Variants in JMY observed in about 807,000 individuals in gnomAD.
The protein encoded by JMY is junction-mediating and -regulatory protein.
JMY carries 46 observed loss-of-function variants against 103.3 expected under a neutral mutation model. That is an observed-to-expected ratio of 0.45 (90% confidence interval 0.35 to 0.57). The LOEUF (loss-of-function observed/expected upper bound fraction) is 0.57. JMY is among the 20% of genes least tolerant of loss of function. The pLI, the probability that JMY is intolerant of heterozygous loss-of-function variation, is 0.00. For synonymous variants in JMY, 526 were observed against 489.3 expected, an observed-to-expected ratio of 1.07 and a Z score of -0.99; for missense variants, 1,238 against 1,255.2, an observed-to-expected ratio of 0.99 and a Z score of 0.21.
rs1413995207 is a variant in JMY, at chr5:79,261,804, T to C, written c.1033-16106T>C. ...CATGCCCGGCTAATTTTTGTATTTT[T>C]AGTAGAGACAGGGTTTCACCATGTT... On this transcript the variant is annotated intron_variant, in intron 1 of 10. Coordinates refer to ENST00000396137, the MANE Select transcript of JMY (RefSeq NM_152405.5). Among the ~76,000 whole-genome samples, 4 of 152,104 alleles carry C rather than the reference T, an allele frequency of 2.6e-5. 1 individual carries two copies. Among genetic ancestry groups the C allele is most frequent in the Admixed American group, 1.3e-4 (2 of 15,264 alleles).
chr5:79,261,747 A>G (rs1448495573), intron 1 of JMY, among the ~76,000 whole-genome samples: 2 of 152,066 alleles, frequency 1.3e-5, no homozygotes, highest in African/African-American at 4.8e-5. Context: ...ACTTTGGCAA[A>G]TAACCCTGCT....
chr5:79,289,945 G>C (rs1213406386), intron 2 of JMY, among the ~76,000 whole-genome samples, 176 bp from the exon 3 acceptor site: 1 of 152,106 alleles, frequency 6.6e-6, no homozygotes, highest in Admixed American at 6.5e-5. Context: ...TGGGGAATAG[G>C]TTTCTATGTC....
At chr5:79,317,470 ATAAAT>A (rs1747272818) in intron 10 of JMY, among the ~76,000 whole-genome samples, 1 of 152,218 alleles carries the variant, frequency 6.6e-6, no homozygotes, top group South Asian at 2.1e-4. Flanking sequence ...ATAACATGGT[ATAAAT>A]TAAACAGTAT....
At position 79,236,759 on chromosome 5, in the gene JMY, G is replaced by A; in HGVS notation, c.109G>A (p.Glu37Lys). Reference sequence around the variant, plus strand: ...ATTCGTCTTTATTGTGGCCTGGAACGAGATTGAGGGCAAGTTTGCCATAAC... The same window carrying A: ...ATTCGTCTTTATTGTGGCCTGGAACAAGATTGAGGGCAAGTTTGCCATAAC... ...HKFVFIVAWN[E>K]IEGKFAITCH... The change falls in exon 1 of 11, where the codon GAG (glutamate) becomes AAG (lysine). Residue 37 changes from glutamate (E) to lysine (K), a missense_variant. Transcript: ENST00000396137. 6.6e-7 allele frequency: 1 copy of A among 1,511,082 alleles called. No individual in the cohort carries two copies. Among genetic ancestry groups the A allele is most frequent in the Non-Finnish European group, 8.9e-7 (1 of 1,128,120 alleles). 93.6% of individuals were successfully genotyped at this position (1,511,082 alleles called of 1,614,324 possible).
In JMY at chr5:79,315,984, G is replaced by A; in HGVS notation, c.2660-16G>A. On this transcript the variant is annotated splice_polypyrimidine_tract_variant and intron_variant, in intron 9 of 10. Coordinates refer to ENST00000396137, the MANE Select transcript of JMY (RefSeq NM_152405.5). Reference sequence around the variant, plus strand: ...GCAGTCCTAACTGTAATACTGTTCTGTTTCATTTTCCAAAGTGAGCTCACC... The same window carrying A: ...GCAGTCCTAACTGTAATACTGTTCTATTTCATTTTCCAAAGTGAGCTCACC... 1.2e-6 allele frequency: 2 copies of A among 1,609,426 alleles called. No homozygotes were observed. The highest frequency in any genetic ancestry group is 1.7e-4 in the Middle Eastern group (1 of 6,034).
chr5:79,314,623 C>T lies in JMY; in HGVS notation c.2431C>T (p.Pro811Ser). 6.3e-7 allele frequency: 1 copy of T among 1,589,820 alleles called. No individual in the cohort carries two copies. Among genetic ancestry groups the T allele is most frequent in the Non-Finnish European group, 8.6e-7 (1 of 1,160,440 alleles). Residue 811 changes from proline (P) to serine (S), a missense_variant, in exon 9 of 11, where the codon CCA becomes TCA. By Grantham distance (74) the Pro-to-Ser change is moderately conservative. Coordinates refer to ENST00000396137, the MANE Select transcript of JMY (RefSeq NM_152405.5). ...NPLPSPLPPT[P>S]PPPPPPPPPP... ...ACTCCCATCCCCTCTTCCTCCAACA[C>T]CACCACCTCCCCCACCTCCTCCCCC... is the stretch of plus-strand genomic sequence containing the variant.
chr5:79,283,082 C>A (rs967118023), intron 2 of JMY, among the ~76,000 whole-genome samples: 11 of 151,850 alleles, frequency 7.2e-5, no homozygotes, highest in African/African-American at 2.7e-4. Flanking sequence ...ACCTCTGCTT[C>A]CCGGGTTCAA....
At chr5:79,309,236 A>G (rs1432579490) in intron 7 of JMY, among the ~76,000 whole-genome samples, 1 of 152,176 alleles carries the variant, frequency 6.6e-6, no homozygotes, top group Non-Finnish European at 1.5e-5. Context: ...TCTTAGCAAG[A>G]AAGCTCTAGT....
chr5:79,246,454 G>A (rs1744905581), intron 1 of JMY, among the ~76,000 whole-genome samples: 1 of 152,270 alleles, frequency 6.6e-6, no homozygotes, highest in South Asian at 2.1e-4. Context: ...GACAGTAAGA[G>A]GTAGGATGCA....
intron 1 of JMY, among the ~76,000 whole-genome samples, chr5:79,246,711 T>C (rs1176657818): frequency 6.6e-6 from 1 of 152,122 alleles, no homozygotes; most frequent in Non-Finnish European, 1.5e-5. Flanking sequence ...TAAAACCCTG[T>C]CTCTACTAAA....
intron 1 of JMY, 103 bp from the exon 2 acceptor site, chr5:79,277,806 GT>G: frequency 1.0e-6 from 1 of 954,682 alleles, no homozygotes; most frequent in South Asian, 2.0e-5. Context: ...TTGCTTCTGT[GT>G]TTTAGGGTTC....
At chr5:79,300,967 C>A in intron 6 of JMY, 104 bp downstream of exon 6, 1 of 939,336 alleles carries the variant, frequency 1.1e-6, no homozygotes, top group Non-Finnish European at 1.6e-6. Context: ...ACTAAGTAAG[C>A]ACTATCTCTT....
chr5:79,310,614 G>GTTAACC (rs1215775142), intron 7 of JMY, among the ~76,000 whole-genome samples: 1 of 152,186 alleles, frequency 6.6e-6, no homozygotes, highest in Non-Finnish European at 1.5e-5. Flanking sequence ...ATTCTTAGAT[G>GTTAACC]TTAACCTTAT....
At chr5:79,284,659 A>G (rs1322864903) in intron 2 of JMY, 7 of 1,572,728 alleles carry the variant, frequency 4.5e-6, no homozygotes, top group Admixed American at 3.3e-5. Flanking sequence ...ATCTTCAGTA[A>G]TCAGCTTGAA....
intron 1 of JMY, among the ~76,000 whole-genome samples, chr5:79,268,441 C>T (rs1470646048): frequency 6.6e-6 from 1 of 151,790 alleles, no homozygotes; most frequent in Non-Finnish European, 1.5e-5. Context: ...TTTATAATTC[C>T]CTAATGCTAT....
intron 2 of JMY, among the ~76,000 whole-genome samples, chr5:79,287,067 A>G (rs962476642): frequency 2.6e-5 from 4 of 152,082 alleles, no homozygotes; most frequent in East Asian, 1.9e-4. Flanking sequence ...GGAGAGACCT[A>G]GTTCTCAGAG....
Position 79,321,711 on chromosome 5 carries a change from T to A in JMY, c.*109T>A, listed in dbSNP as rs1062326. ...AGTTGGATAACATTAGATCCAAAGT[T>A]CATTGGTTCAGTGGTGTGAAGAAAG... On this transcript the variant is annotated 3_prime_UTR_variant, in exon 11 of 11. Transcript: ENST00000396137. The A allele has an allele frequency of 1.3e-5, 2 of 151,968 alleles. No individual in the cohort carries two copies. Among genetic ancestry groups the A allele is most frequent in the Non-Finnish European group, 2.9e-5 (2 of 67,960 alleles). 9.4% of individuals were successfully genotyped at this position (151,968 alleles called of 1,614,324 possible).
In JMY at chr5:79,237,027, C is replaced by T. The variant is rs1267839778; in HGVS notation, c.377C>T (p.Pro126Leu). 2 of 1,501,988 alleles carry T rather than the reference C, an allele frequency of 1.3e-6. No individual in the cohort carries two copies. The highest frequency in any genetic ancestry group is 1.8e-6 in the Non-Finnish European group (2 of 1,123,646). The allele number at this position is 1,501,988 out of a possible 1,614,324, so 93.0% of individuals were successfully genotyped here. Reference protein sequence around the residue: ...PRSTRSLLGDPRLRSPGSKGA... With the variant: ...PRSTRSLLGDLRLRSPGSKGA... ...AGCACTCGCAGCCTTCTGGGGGACC[C>T]GCGGCTGCGGAGTCCTGGCAGCAAA... Residue 126 changes from proline (P) to leucine (L), a missense_variant, in exon 1 of 11, where the codon CCG becomes CTG. By Grantham distance (98) the Pro-to-Leu change is moderately conservative (BLOSUM62 -3). Coordinates refer to ENST00000396137, the MANE Select transcript of JMY (RefSeq NM_152405.5).
intron 1 of JMY, among the ~76,000 whole-genome samples, chr5:79,250,310 G>A (rs1297227728): frequency 1.3e-5 from 2 of 152,200 alleles, no homozygotes; most frequent in Non-Finnish European, 2.9e-5. Context: ...CAAGTCCCTT[G>A]TTGCTGCTTC....
Sources: allele counts gnomAD v4.1 joint callset (sites outside exome capture counted in the v4.1 genomes callset), GRCh38; gene constraint gnomAD v4.1.1; transcripts MANE v1.5; gene names NCBI Gene and HGNC (gene_info 2026-07-23, HGNC 2026-07-21).